The following TCERG1L variants were observed in gnomAD, a reference collection of about 807,000 sequenced individuals.
TCERG1L encodes the protein transcription elongation regulator 1-like protein.
Under a neutral mutation model 56.3 loss-of-function variants are expected in TCERG1L, and 37 were observed. That is an observed-to-expected ratio of 0.66 (90% CI 0.51 to 0.87). The LOEUF (loss-of-function observed/expected upper bound fraction) is 0.87. Among genes scored for constraint, TCERG1L ranks in the 40% least tolerant of loss-of-function variants. The pLI, the probability that TCERG1L is intolerant of heterozygous loss-of-function variation, is 0.00. For missense variants in TCERG1L, 799 were observed against 774.2 expected (o/e 1.03, Z -0.38); for synonymous variants, 324 against 326.3 (o/e 0.99, Z 0.08).
intron 3 of TCERG1L, among the ~76,000 whole-genome samples, chr10:131,272,702 G>A (rs563832476): frequency 2.0e-4 from 30 of 152,294 alleles, no homozygotes; most frequent in South Asian, 1.7e-3. Flanking sequence ...GAACTGTGCC[G>A]TCCAGCGTGG....
chr10:131,299,721 C>G (rs1409111321), intron 3 of TCERG1L, among the ~76,000 whole-genome samples: 1 of 151,958 alleles, frequency 6.6e-6, no homozygotes. Flanking sequence ...ATACTTATAT[C>G]TTCAAAAGGT....
intron 8 of TCERG1L, among the ~76,000 whole-genome samples, chr10:131,130,177 A>G (rs1221435064): frequency 6.6e-6 from 1 of 152,018 alleles, no homozygotes; most frequent in Non-Finnish European, 1.5e-5. Context: ...CGCATGTTAC[A>G]AGGCGGCAGG....
At chr10:131,204,806 T>C (rs1479726206) in intron 4 of TCERG1L, among the ~76,000 whole-genome samples, 3 of 152,178 alleles carry the variant, frequency 2.0e-5, no homozygotes, top group Non-Finnish European at 2.9e-5. Context: ...GCAGAACAGG[T>C]TGGCTGGAGA....
Position 131,311,255 on chromosome 10 carries a change from GACGGCGAC to G in TCERG1L, c.342+31_342+38del. 8.4e-7 allele frequency: 1 copy of G among 1,193,164 alleles called. No homozygotes were observed. Among genetic ancestry groups the G allele is most frequent in the Non-Finnish European group, 1.0e-6 (1 of 962,178 alleles). 73.9% of individuals were successfully genotyped at this position (1,193,164 alleles called of 1,614,324 possible). On this transcript the variant is annotated intron_variant, in intron 1 of 11. Coordinates refer to ENST00000368642, the MANE Select transcript of TCERG1L (RefSeq NM_174937.4). The surrounding 1 kb of genome is among the most constrained non-coding windows in gnomAD (Gnocchi z 4.0). ...GCAGGGCGCGCCCAGGAGCAGGGGA[GACGGCGAC>G]CCGGGCCGAGGCGGGACGGGGACAC...
intron 3 of TCERG1L, among the ~76,000 whole-genome samples, chr10:131,295,543 G>C (rs1451431394): frequency 1.3e-5 from 2 of 152,164 alleles, no homozygotes; most frequent in Non-Finnish European, 2.9e-5. Flanking sequence ...CTTGCATTTT[G>C]CTAATGAAAT....
intron 4 of TCERG1L, among the ~76,000 whole-genome samples, chr10:131,183,329 T>C (rs968575995): frequency 2.6e-5 from 4 of 152,196 alleles, no homozygotes; most frequent in African/African-American, 4.8e-5. Flanking sequence ...ATACTTACAA[T>C]GAAGCAACTG....
chr10:131,246,823 C>T (rs1291085743), intron 4 of TCERG1L, among the ~76,000 whole-genome samples: 2 of 152,226 alleles, frequency 1.3e-5, no homozygotes, highest in Non-Finnish European at 2.9e-5. Flanking sequence ...CAAGGCATCC[C>T]CCTGCCGGGA....
chr10:131,144,497 G>A (rs1845773301), intron 7 of TCERG1L, among the ~76,000 whole-genome samples: 1 of 152,056 alleles, frequency 6.6e-6, no homozygotes, highest in Non-Finnish European at 1.5e-5. Context: ...TTTCGGGAAT[G>A]GGAAGTTGTT....
chr10:131,186,647 G>C (rs1385494867), intron 4 of TCERG1L, among the ~76,000 whole-genome samples: 1 of 152,164 alleles, frequency 6.6e-6, no homozygotes, highest in Non-Finnish European at 1.5e-5. Context: ...AGAGGATGCA[G>C]GTGTCTGAGG....
Position 131,311,370 on chromosome 10 carries a change from G to A in TCERG1L, c.266C>T (p.Pro89Leu). The A allele has an allele frequency of 1.7e-6, 2 of 1,197,280 alleles. No homozygotes were observed. The highest frequency in any genetic ancestry group is 1.6e-5 in the African/African-American group (1 of 62,716). 74.2% of individuals were successfully genotyped at this position (1,197,280 alleles called of 1,614,324 possible). ...TGGCGCAGAGGGCAGCGGCAGCAGC[G>A]GGAGCACCGGCTCGCTCGGGGCCGG... is the stretch of plus-strand genomic sequence containing the variant. Reference protein sequence around the residue: ...GWPAPSEPVLPLLPLPSAPDS... With the variant: ...GWPAPSEPVLLLLPLPSAPDS... Residue 89 changes from proline (P) to leucine (L), a missense_variant, in exon 1 of 12, where the codon CCG becomes CTG. Transcript: ENST00000368642. This position sits in a 1 kb window ranked among gnomAD's most constrained non-coding sequence, Gnocchi z 4.0.
chr10:131,177,093 GAC>G (rs951351374), intron 4 of TCERG1L, among the ~76,000 whole-genome samples: 265 of 130,978 alleles, frequency 2.0e-3, no homozygotes, highest in African/African-American at 5.7e-3. Flanking sequence ...CGTACTCACA[GAC>G]ACATGCACAC....
chr10:131,207,203 A>C, intron 4 of TCERG1L, among the ~76,000 whole-genome samples: 1 of 141,822 alleles, frequency 7.1e-6, no homozygotes, highest in East Asian at 2.2e-4. Flanking sequence ...CCCCCACCCA[A>C]TCTCCAGCTC....
At position 131,206,848 on chromosome 10, in the gene TCERG1L, G is replaced by A. The variant is rs371587692; in HGVS notation, c.857-39963C>T. ...GAGGGTGGGGTGCGTCCAGGGAAAA[G>A]CCAGATGCTCCTCTGGCCAAGCGAG... On this transcript the variant is annotated intron_variant, in intron 4 of 11. Coordinates refer to ENST00000368642, the MANE Select transcript of TCERG1L (RefSeq NM_174937.4). 9.2e-5 allele frequency among the ~76,000 whole-genome samples: 14 copies of A among 152,296 alleles called. No homozygotes were observed. The East Asian group carries it at 2.3e-3, about 25-fold the overall frequency.
At chr10:131,156,895 G>T (rs573956780) in intron 6 of TCERG1L, among the ~76,000 whole-genome samples, 1 of 152,236 alleles carries the variant, frequency 6.6e-6, no homozygotes, top group East Asian at 1.9e-4. Flanking sequence ...GCCCCTGGCC[G>T]AATAAACCCC....
chr10:131,093,970 T>C (rs2133375249), intron 11 of TCERG1L, among the ~76,000 whole-genome samples: 1 of 152,260 alleles, frequency 6.6e-6, no homozygotes, highest in African/African-American at 2.4e-5. Context: ...GCCTGGCAAG[T>C]AGTGAGCCCC....
intron 4 of TCERG1L, among the ~76,000 whole-genome samples, chr10:131,186,318 T>G (rs1845245471): frequency 6.6e-6 from 1 of 152,200 alleles, no homozygotes; most frequent in African/African-American, 2.4e-5. Flanking sequence ...TTGCGCTCAA[T>G]GCTGCTGAAT....
chr10:131,296,986 T>C (rs1351370773), intron 3 of TCERG1L, among the ~76,000 whole-genome samples: 1 of 152,252 alleles, frequency 6.6e-6, no homozygotes, highest in African/African-American at 2.4e-5. Context: ...TAGCTTTTGG[T>C]AGACTCTTTG....
chr10:131,210,934 T>C (rs1054082681), intron 4 of TCERG1L, among the ~76,000 whole-genome samples: 1 of 152,164 alleles, frequency 6.6e-6, no homozygotes, highest in Non-Finnish European at 1.5e-5. Context: ...TTTCATCGTT[T>C]TCCTCCAATG....
intron 1 of TCERG1L, among the ~76,000 whole-genome samples, chr10:131,310,781 G>A (rs1433479587): frequency 1.3e-5 from 2 of 152,220 alleles, no homozygotes; most frequent in South Asian, 2.1e-4. Flanking sequence ...ACTTCCGTCG[G>A]TTGGAATTCT....
Sources: gnomAD v4.1 joint callset for allele counts (sites outside exome capture counted in the v4.1 genomes callset) on GRCh38, gnomAD v4.1.1 for gene constraint, Gnocchi (gnomAD v3.1) non-coding constraint, MANE v1.5 for transcripts, NCBI Gene and HGNC (gene_info 2026-07-23, HGNC 2026-07-21) for gene names.